The following CTNNA2 variants were observed in gnomAD, a reference collection of about 807,000 sequenced individuals.
CTNNA2 encodes the protein catenin alpha-2.
A neutral mutation model predicts 101.0 loss-of-function variants in CTNNA2; 42 were observed. That is an observed-to-expected ratio of 0.42 (90% CI 0.32 to 0.54). CTNNA2 has a LOEUF of 0.54. Among genes scored for constraint, CTNNA2 ranks in the 20% least tolerant of loss-of-function variants. The pLI is 0.14. For synonymous variants in CTNNA2, 450 were observed against 456.4 expected, an observed-to-expected ratio of 0.99 and a Z score of 0.18; for missense variants, 871 against 1,223.1, an observed-to-expected ratio of 0.71 and a Z score of 4.29.
intron 9 of CTNNA2, among the ~76,000 whole-genome samples, chr2:80,457,004 C>A (rs149060513): frequency 6.6e-6 from 1 of 152,080 alleles, no homozygotes; most frequent in African/African-American, 2.4e-5. Context: ...GTTTTCAACA[C>A]GAAAGAATGA....
At chr2:80,507,586 A>C (rs1688376049) in intron 9 of CTNNA2, among the ~76,000 whole-genome samples, 2 of 152,192 alleles carry the variant, frequency 1.3e-5, no homozygotes, top group Non-Finnish European at 2.9e-5. Flanking sequence ...CTGAAATTTT[A>C]TTATGAAATA....
intron 2 of CTNNA2, among the ~76,000 whole-genome samples, chr2:79,679,140 G>A (rs1051348398): frequency 3.9e-5 from 6 of 152,176 alleles, no homozygotes; most frequent in African/African-American, 7.2e-5. Context: ...ACTGTGTTTC[G>A]CCTCCTAGAG....
intron 2 of CTNNA2, among the ~76,000 whole-genome samples, chr2:79,245,831 G>A (rs1047504406): frequency 2.0e-5 from 3 of 152,118 alleles, no homozygotes; most frequent in Admixed American, 2.0e-4. Flanking sequence ...TGCAAACCCT[G>A]GTCTTGAGAC....
At chr2:80,278,698 TCA>T (rs909658332) in intron 7 of CTNNA2, among the ~76,000 whole-genome samples, 1 of 152,116 alleles carries the variant, frequency 6.6e-6, no homozygotes, top group African/African-American at 2.4e-5. Context: ...ATGGCGTGGC[TCA>T]TCTGGCAGTC....
chr2:80,344,603 G>T (rs940834256), intron 7 of CTNNA2, among the ~76,000 whole-genome samples: 4 of 152,170 alleles, frequency 2.6e-5, no homozygotes, highest in Non-Finnish European at 5.9e-5. Flanking sequence ...TCCTGCCCCA[G>T]CATCCCAAGT....
intron 2 of CTNNA2, among the ~76,000 whole-genome samples, chr2:79,296,252 T>C (rs1675977523): frequency 6.6e-6 from 1 of 152,164 alleles, no homozygotes; most frequent in South Asian, 2.1e-4. Context: ...AGCTGTAGAA[T>C]GGAGAATGCC....
chr2:79,467,298 G>T (rs911117843), intron 4 of CTNNA2, among the ~76,000 whole-genome samples: 2 of 152,136 alleles, frequency 1.3e-5, no homozygotes, highest in African/African-American at 4.8e-5. Flanking sequence ...TCAAATGAAT[G>T]AAATGAAGCA....
At chr2:80,055,162 G>T (rs529175357) in intron 7 of CTNNA2, among the ~76,000 whole-genome samples, 2 of 151,944 alleles carry the variant, frequency 1.3e-5, no homozygotes, top group African/African-American at 2.4e-5. Context: ...AAATAGCTGC[G>T]ACTACAGGCG....
chr2:80,013,805 T>C (rs1019524109), intron 7 of CTNNA2, among the ~76,000 whole-genome samples: 1 of 152,188 alleles, frequency 6.6e-6, no homozygotes, highest in African/African-American at 2.4e-5. Flanking sequence ...AAAGTCAAAG[T>C]CTAAAGTGAA....
chr2:79,620,327 A>G (rs1434807781), intron 1 of CTNNA2, among the ~76,000 whole-genome samples: 1 of 151,972 alleles, frequency 6.6e-6, no homozygotes, highest in Non-Finnish European at 1.5e-5. Flanking sequence ...CTGCTTCTAT[A>G]TTTTTTTAGT....
Position 80,233,158 on chromosome 2 carries a change from T to A in CTNNA2, c.1057-160053T>A, listed in dbSNP as rs150536638. Among the ~76,000 whole-genome samples, 954 of 152,284 alleles carry A rather than the reference T, an allele frequency of 6.3e-3. 5 individuals carry two copies. The highest frequency in any genetic ancestry group is 7.7e-3 in the Admixed American group (118 of 15,290). On this transcript the variant is annotated intron_variant, in intron 7 of 18. Coordinates refer to ENST00000402739, the MANE Select transcript of CTNNA2 (RefSeq NM_001282597.3). The stretch of plus-strand genomic sequence containing the variant: ...GGGTAATGGTAACTGTAGGTCTGCA[T>A]ACCTAAGTAATAAAATACAGAGTAT...
chr2:79,459,199 G>A (rs1283027683), intron 4 of CTNNA2, among the ~76,000 whole-genome samples: 1 of 152,052 alleles, frequency 6.6e-6, no homozygotes, highest in African/African-American at 2.4e-5. Flanking sequence ...TCTTCAAGGT[G>A]TTACATTCAA....
chr2:80,577,240 A>T (rs949204994), intron 13 of CTNNA2, among the ~76,000 whole-genome samples: 3 of 152,188 alleles, frequency 2.0e-5, no homozygotes, highest in African/African-American at 7.2e-5. Context: ...AGAATAAACA[A>T]GGAAATATAA....
chr2:79,345,735 C>G (rs1214925409), intron 3 of CTNNA2, among the ~76,000 whole-genome samples: 2 of 152,062 alleles, frequency 1.3e-5, no homozygotes, highest in African/African-American at 4.8e-5. Flanking sequence ...CTTTGTTGCC[C>G]AGGCTGGAGT....
chr2:80,579,969 G>A (rs1354251581), intron 13 of CTNNA2, among the ~76,000 whole-genome samples: 2 of 152,224 alleles, frequency 1.3e-5, no homozygotes, highest in South Asian at 2.1e-4. Context: ...CCTACTGTAT[G>A]CCAAGAGGCA....
intron 1 of CTNNA2, among the ~76,000 whole-genome samples, chr2:79,613,030 C>T (rs1678383593): frequency 6.6e-6 from 1 of 152,072 alleles, no homozygotes; most frequent in African/African-American, 2.4e-5. Flanking sequence ...ATTCTCCTCT[C>T]TTACGAGTTG....
intron 2 of CTNNA2, among the ~76,000 whole-genome samples, chr2:79,706,150 G>C (rs1685346391): frequency 6.6e-6 from 1 of 152,020 alleles, no homozygotes; most frequent in Admixed American, 6.6e-5. Flanking sequence ...GGATCACGAG[G>C]TCAGGAGATC....
intron 3 of CTNNA2, among the ~76,000 whole-genome samples, chr2:79,801,225 G>C (rs73941314): frequency 0.023 from 3,499 of 152,244 alleles, 148 homozygotes; most frequent in African/African-American, 0.081. Flanking sequence ...AGCCACTGTG[G>C]TGTGACCAGC....
chr2:80,531,851 G>T (rs548469846), intron 9 of CTNNA2, among the ~76,000 whole-genome samples: 1 of 152,232 alleles, frequency 6.6e-6, no homozygotes, highest in African/African-American at 2.4e-5. Flanking sequence ...ATATTTGACA[G>T]GTCTGAAAAA....
Sources: allele counts gnomAD v4.1 joint callset (sites outside exome capture counted in the v4.1 genomes callset), GRCh38; gene constraint gnomAD v4.1.1; transcripts MANE v1.5; gene names NCBI Gene and HGNC (gene_info 2026-07-23, HGNC 2026-07-21).